Variants in LSS observed in about 807,000 individuals in gnomAD.
The protein encoded by LSS is 2,3-epoxysqualene-lanosterol cyclase.
A neutral mutation model predicts 110.3 loss-of-function variants in LSS; 90 were observed. The ratio of observed to expected loss-of-function variants is 0.82; its 90% CI spans 0.69 to 0.97. LSS has a LOEUF of 0.97. Ranked by LOEUF, LSS falls within the 50% of genes least tolerant of loss-of-function variation. The pLI is 0.00. For synonymous variants in LSS, 433 were observed against 400.0 expected (o/e 1.08, Z -0.98); for missense variants, 927 against 990.0 (o/e 0.94, Z 0.85).
chr21:46,197,884 C>CA (rs1299348841), intron 17 of LSS, among the ~76,000 whole-genome samples: 251 of 122,140 alleles, frequency 2.1e-3, no homozygotes, highest in Middle Eastern at 4.8e-3. Flanking sequence ...GACTCTGTCT[C>CA]AAAAAAAAAA....
At chr21:46,210,640 T>A (rs369552703) in intron 12 of LSS, 48 bp downstream of exon 12, 1 of 1,596,758 alleles carries the variant, frequency 6.3e-7, no homozygotes, top group Non-Finnish European at 8.6e-7. Flanking sequence ...TGGGCTCACG[T>A]GCACAGGAAG....
intron 17 of LSS, among the ~76,000 whole-genome samples, chr21:46,202,409 A>T (rs942017330): frequency 4.7e-5 from 7 of 148,150 alleles, no homozygotes; most frequent in Non-Finnish European, 1.0e-4. Flanking sequence ...AAAAAAAAAT[A>T]AATAAAATAA....
At chr21:46,191,837 A>C in intron 21 of LSS, 44 bp downstream of exon 21, 1 of 1,521,254 alleles carries the variant, frequency 6.6e-7, no homozygotes, top group Non-Finnish European at 9.1e-7. Context: ...TGCACGCTGG[A>C]GGTCAGTGCT....
intron 11 of LSS, among the ~76,000 whole-genome samples, chr21:46,211,055 C>A (rs2080123951): frequency 6.6e-6 from 1 of 152,228 alleles, no homozygotes; most frequent in African/African-American, 2.4e-5. Context: ...CCAGCACCTA[C>A]ACATAGAGCA....
At chr21:46,210,840 G>A in intron 11 of LSS, 96 bp from the exon 12 acceptor site, 3 of 1,185,068 alleles carry the variant, frequency 2.5e-6, no homozygotes, top group Non-Finnish European at 1.2e-6. Context: ...GGCCAGGTGT[G>A]GGGGCTCCCA....
chr21:46,199,294 G>A (rs1478447071), intron 17 of LSS, among the ~76,000 whole-genome samples: 1 of 152,190 alleles, frequency 6.6e-6, no homozygotes, highest in Non-Finnish European at 1.5e-5. Flanking sequence ...AATGTCATTA[G>A]GGAATTGCAA....
rs1008212021 is a variant in LSS at position 46,216,797 on chromosome 21, G to A, written c.648-273C>T. ...TCCTAAATGCTTAGGATTGTCCGTG[G>A]GTTTCTTAGCTACAACAAACGTACC... is the stretch of plus-strand genomic sequence containing the variant. On this transcript the variant is annotated intron_variant, in intron 6 of 21. Coordinates refer to ENST00000397728, the MANE Select transcript of LSS (RefSeq NM_002340.6). This position sits in a 1 kb window ranked among gnomAD's most constrained non-coding sequence, Gnocchi z 4.2. Among the ~76,000 whole-genome samples the A allele has an allele frequency of 6.6e-6, 1 of 152,052 alleles. No individual in the cohort carries two copies. The highest frequency in any genetic ancestry group is 1.5e-5 in the Non-Finnish European group (1 of 68,006).
rs114375150 is a variant in LSS at position 46,207,192 on chromosome 21, G to A, written c.1467+236C>T. ...GGCCACGCCGGCTCCCCCAAGTATC[G>A]GTGGCTGGGCTGGACACCAGCTCCG... On this transcript the variant is annotated intron_variant, in intron 15 of 21. Coordinates refer to ENST00000397728, the MANE Select transcript of LSS (RefSeq NM_002340.6). 9.1e-3 allele frequency among the ~76,000 whole-genome samples: 1,392 copies of A among 152,306 alleles called. 28 individuals are homozygous for A. The highest frequency in any genetic ancestry group is 0.032 in the African/African-American group (1,328 of 41,582).
intron 8 of LSS, 119 bp from the exon 9 acceptor site, chr21:46,215,417 C>G: frequency 3.0e-6 from 2 of 673,424 alleles, no homozygotes; most frequent in East Asian, 2.8e-5. Context: ...CACCCACCCC[C>G]AGGCCTGGTC....
intron 3 of LSS, among the ~76,000 whole-genome samples, chr21:46,223,842 A>G (rs1333114357): frequency 1.3e-5 from 2 of 152,196 alleles, no homozygotes; most frequent in African/African-American, 4.8e-5. Flanking sequence ...GCGTCTGGGA[A>G]GACGCCCGTT....
chr21:46,213,121 T>G, intron 10 of LSS, 69 bp from the exon 11 acceptor site: 3 of 1,489,630 alleles, frequency 2.0e-6, no homozygotes, highest in South Asian at 1.2e-5. Context: ...ACCCAGACCC[T>G]GCACTCAGGA....
intron 11 of LSS, among the ~76,000 whole-genome samples, chr21:46,211,830 C>T (rs553666048): frequency 1.6e-4 from 24 of 152,322 alleles, no homozygotes; most frequent in Non-Finnish European, 2.8e-4. Flanking sequence ...AAAGAGACCA[C>T]GAGAGACGGC....
intron 5 of LSS, 115 bp downstream of exon 5, chr21:46,221,739 A>G: frequency 2.7e-6 from 4 of 1,459,654 alleles, no homozygotes; most frequent in South Asian, 1.2e-5. Context: ...TTCCCTGCTC[A>G]TGTGCTTTTG....
In LSS at chr21:46,216,434, A is replaced by C. The variant is rs974801758; in HGVS notation, c.738T>G (p.Val246=). ...GCGGGTCTTCCGCGGCACTCAGCCGAACGGCGTAGCAGTAGCTCATGGGCA... is the reference window on the plus strand; with the variant it reads ...GCGGGTCTTCCGCGGCACTCAGCCGCACGGCGTAGCAGTAGCTCATGGGCA... ...VYLPMSYCYA[V]RLSAAEDPLV... Residue 246 remains valine (V), a synonymous_variant, in exon 7 of 22, where the codon GTT becomes GTG. Coordinates refer to ENST00000397728, the MANE Select transcript of LSS (RefSeq NM_002340.6). The surrounding 1 kb of genome is among the most constrained non-coding windows in gnomAD (Gnocchi z 4.2). 1 of 1,613,652 alleles carries C rather than the reference A, an allele frequency of 6.2e-7. No homozygotes were observed. The highest frequency in any genetic ancestry group is 1.7e-5 in the Admixed American group (1 of 59,996).
chr21:46,194,634 G>C lies in LSS; in HGVS notation c.1845C>G (p.Ala615=). Residue 615 remains alanine (A), a synonymous_variant, in exon 20 of 22, where the codon GCC becomes GCG. Coordinates refer to ENST00000397728, the MANE Select transcript of LSS (RefSeq NM_002340.6). ...DGTACAEVSR[A]CDFLLSRQMA... is the part of the protein sequence containing the mutation. Reference sequence around the variant, plus strand: ...TCTGCCGGGACAGCAGGAAGTCACAGGCCCGGGAGACCTCTGCACAGGCAG... The same window carrying C: ...TCTGCCGGGACAGCAGGAAGTCACACGCCCGGGAGACCTCTGCACAGGCAG... The C allele has an allele frequency of 6.2e-7, 1 of 1,613,388 alleles. No homozygotes were observed. Among genetic ancestry groups the C allele is most frequent in the Non-Finnish European group, 8.5e-7 (1 of 1,180,000 alleles).
intron 17 of LSS, among the ~76,000 whole-genome samples, chr21:46,204,908 C>T (rs979531790): frequency 2.0e-5 from 3 of 151,968 alleles, no homozygotes; most frequent in Non-Finnish European, 4.4e-5. Flanking sequence ...TGCTAAAATC[C>T]TAACAAAATA....
At chr21:46,222,964 G>C (rs1261854779) in intron 3 of LSS, among the ~76,000 whole-genome samples, 2 of 152,222 alleles carry the variant, frequency 1.3e-5, no homozygotes, top group Non-Finnish European at 2.9e-5. Flanking sequence ...AGGGCCTGTA[G>C]AGCCCACTCA....
rs1278861838 is a variant in LSS, at chr21:46,188,580, G to T, written c.*2524C>A. The T allele has an allele frequency of 6.4e-6, 3 of 467,596 alleles. No homozygotes were observed. The highest frequency in any genetic ancestry group is 2.4e-5 in the Admixed American group (1 of 42,458). 29.0% of individuals were successfully genotyped at this position (467,596 alleles called of 1,614,324 possible). On this transcript the variant is annotated 3_prime_UTR_variant, in exon 22 of 22. Transcript: ENST00000397728. ...TCAGGGTGATGAGTCATCTGGGACAGGTCACCCTCCCAGCACCGAGAAGCC... is the reference window on the plus strand; with the variant it reads ...TCAGGGTGATGAGTCATCTGGGACATGTCACCCTCCCAGCACCGAGAAGCC...
At chr21:46,191,335 TGA>T in intron 21 of LSS, 100 bp from the exon 22 acceptor site, 1 of 1,350,210 alleles carries the variant, frequency 7.4e-7, no homozygotes, top group East Asian at 2.3e-5. Context: ...GGCTTGTGGG[TGA>T]GTCAGCCTGG....
Sources: allele counts gnomAD v4.1 joint callset (sites outside exome capture counted in the v4.1 genomes callset), GRCh38; gene constraint gnomAD v4.1.1; non-coding constraint Gnocchi (gnomAD v3.1); transcripts MANE v1.5; gene names NCBI Gene and HGNC (gene_info 2026-07-23, HGNC 2026-07-21).